KIAA0319: variants seen among roughly 807,000 people sequenced by gnomAD.
KIAA0319 encodes the protein dyslexia-associated protein KIAA0319.
A neutral mutation model predicts 108.4 loss-of-function variants in KIAA0319; 83 were observed. The observed-to-expected ratio is 0.77, with a 90% CI of 0.64 to 0.92. The LOEUF is 0.92. KIAA0319 is among the 40% of genes least tolerant of loss of function. The pLI is 0.00. For missense variants in KIAA0319, 1,195 were observed against 1,322.4 expected, an observed-to-expected ratio of 0.90 and a Z score of 1.49; for synonymous variants, 484 against 510.4, an observed-to-expected ratio of 0.95 and a Z score of 0.70.
intron 5 of KIAA0319, among the ~76,000 whole-genome samples, chr6:24,582,718 G>A (rs1766795046): frequency 6.7e-6 from 1 of 150,080 alleles, no homozygotes; most frequent in Non-Finnish European, 1.5e-5. Flanking sequence ...TTTCCTAGGG[G>A]GCTACATCTG....
intron 2 of KIAA0319, chr6:24,598,130 G>A (rs577044843): frequency 1.5e-4 from 65 of 443,454 alleles, no homozygotes; most frequent in Middle Eastern, 8.6e-4. Context: ...AGCTTCTCTC[G>A]AGTGGGCAGC....
intron 1 of KIAA0319, among the ~76,000 whole-genome samples, chr6:24,604,447 T>C (rs1408762252): frequency 1.3e-5 from 2 of 152,190 alleles, no homozygotes; most frequent in Non-Finnish European, 2.9e-5. Flanking sequence ...GCCTCCACCA[T>C]ACCATATGGT....
intron 18 of KIAA0319, among the ~76,000 whole-genome samples, chr6:24,555,496 C>CAAAAA (rs34005198): frequency 7.4e-5 from 6 of 80,878 alleles, no homozygotes; most frequent in Admixed American, 1.6e-4. Flanking sequence ...GACTCCATCT[C>CAAAAA]AAAAAAAAAA....
At chr6:24,601,761 C>T (rs943298025) in intron 1 of KIAA0319, among the ~76,000 whole-genome samples, 1 of 152,116 alleles carries the variant, frequency 6.6e-6, no homozygotes, top group African/African-American at 2.4e-5. Flanking sequence ...CCTGGTCATT[C>T]GAGGCTGATT....
rs773437072 is a variant in KIAA0319, at chr6:24,576,570, G to C, written c.1532C>G (p.Ala511Gly). ...TAGGGCTGCAGTTGTAGAGTTAGTG[G>C]CTCCGTCCGAGTCTGTAACAGTCAA... ...FRLTVTDSDG[A>G]TNSTTAALIV... Residue 511 changes from alanine to glycine, a missense_variant, in exon 10 of 21, where the codon GCC (alanine) becomes GGC (glycine). Ala to Gly is a moderately conservative substitution (Grantham distance 60). Coordinates refer to ENST00000378214, the MANE Select transcript of KIAA0319 (RefSeq NM_014809.4). 11 of 1,613,978 alleles carry C rather than the reference G, an allele frequency of 6.8e-6. No individual in the cohort carries two copies. The highest frequency in any genetic ancestry group is 1.1e-5 in the South Asian group (1 of 91,080).
chr6:24,583,288 C>A (rs1256875776), intron 5 of KIAA0319: 3 of 993,942 alleles, frequency 3.0e-6, no homozygotes, highest in East Asian at 8.9e-5. Flanking sequence ...TTCCCAGGTT[C>A]TATGGGTTAT....
chr6:24,550,672 C>T (rs1761346770), intron 20 of KIAA0319, among the ~76,000 whole-genome samples: 1 of 152,166 alleles, frequency 6.6e-6, no homozygotes, highest in African/African-American at 2.4e-5. Flanking sequence ...TCCAAATGTC[C>T]TCTTGCTGCA....
chr6:24,579,788 C>T, intron 8 of KIAA0319, 70 bp downstream of exon 8: 2 of 1,227,930 alleles, frequency 1.6e-6, no homozygotes, highest in Non-Finnish European at 2.3e-6. Context: ...AGCTTTGATG[C>T]AGAGCACTCA....
At position 24,596,113 on chromosome 6, in the gene KIAA0319, T is replaced by A. The variant is rs777540300; in HGVS notation, c.561A>T (p.Leu187=). 1 of 1,613,758 alleles carries A rather than the reference T, an allele frequency of 6.2e-7. No individual in the cohort carries two copies. Among genetic ancestry groups the A allele is most frequent in the Middle Eastern group, 1.6e-4 (1 of 6,062 alleles). ...RGSAEYTDWG[L]LPGSEGAFNS... ...TGAAGGCCCCCTCGCTGCCCGGCAGTAGGCCCCAGTCCGTGTACTCGGCAC... is the reference window on the plus strand; with the variant it reads ...TGAAGGCCCCCTCGCTGCCCGGCAGAAGGCCCCAGTCCGTGTACTCGGCAC... Residue 187 remains leucine (L), a synonymous_variant, in exon 3 of 21, where the codon CTA becomes CTT. Coordinates refer to ENST00000378214, the MANE Select transcript of KIAA0319 (RefSeq NM_014809.4).
chr6:24,570,812 C>G (rs1277842609), intron 11 of KIAA0319, among the ~76,000 whole-genome samples: 2 of 152,084 alleles, frequency 1.3e-5, no homozygotes, highest in Admixed American at 6.6e-5. Flanking sequence ...TCTCTGTAGC[C>G]TCAGTGCTAA....
chr6:24,590,290 C>T (rs1444437877), intron 3 of KIAA0319, among the ~76,000 whole-genome samples: 20 of 133,768 alleles, frequency 1.5e-4, no homozygotes, highest in South Asian at 4.6e-4. Context: ...ATTTTCAGAA[C>T]GAAGGCAAAA....
chr6:24,583,988 C>T (rs1267424349), intron 4 of KIAA0319, among the ~76,000 whole-genome samples: 2 of 152,116 alleles, frequency 1.3e-5, no homozygotes, highest in Admixed American at 6.5e-5. Flanking sequence ...TTGCGTGAAA[C>T]AGGTTTCATG....
At chr6:24,553,190 C>A (rs1235904935) in intron 19 of KIAA0319, among the ~76,000 whole-genome samples, 1 of 150,200 alleles carries the variant, frequency 6.7e-6, no homozygotes, top group Non-Finnish European at 1.5e-5. Flanking sequence ...TGAAAATAAT[C>A]AAAACCTACC....
At chr6:24,584,396 T>C (rs576109522) in intron 4 of KIAA0319, among the ~76,000 whole-genome samples, 1 of 135,384 alleles carries the variant, frequency 7.4e-6, no homozygotes, top group East Asian at 2.2e-4. Context: ...TATATTGCGA[T>C]ATGTCCAGAT....
At position 24,583,090 on chromosome 6, in the gene KIAA0319, G is replaced by C. The variant is rs975009099; in HGVS notation, c.1093+514C>G. The C allele has an allele frequency of 2.6e-5, 26 of 985,392 alleles. 1 individual carries two copies. The South Asian group carries it at 8.9e-4, about 34-fold the overall frequency. The allele number at this position is 985,392 out of a possible 1,614,324, so 61.0% of individuals were successfully genotyped here. A position where few individuals can be genotyped will look rare whatever the true frequency, so the allele number is the denominator to read the frequency against. On this transcript the variant is annotated intron_variant, in intron 5 of 20. Coordinates refer to ENST00000378214, the MANE Select transcript of KIAA0319 (RefSeq NM_014809.4). ...AAAACAATGCATTTGACAGGCCACA[G>C]GTCCCAGGTCAAATGCTTACTGAAT...
At position 24,570,058 on chromosome 6, in the gene KIAA0319, A is replaced by C. The variant is rs199852124; in HGVS notation, c.1859-23T>G. ...TTTCTGGAATTACAGAAACAGTGTG[A>C]AAAAGTATTATCTCTTTGCATTAAG... On this transcript the variant is annotated intron_variant, in intron 11 of 20. Transcript: ENST00000378214. 8.8e-5 allele frequency: 141 copies of C among 1,610,928 alleles called. 2 individuals carry two copies. In the Middle Eastern group the frequency reaches 7.9e-3, roughly 90 times the overall value.
At chr6:24,567,184 CAA>C (rs35022786) in intron 13 of KIAA0319, among the ~76,000 whole-genome samples, 1 of 150,354 alleles carries the variant, frequency 6.7e-6, no homozygotes, top group Non-Finnish European at 1.5e-5. Flanking sequence ...CTCTCTAAGA[CAA>C]AAAAAAAGAA....
At chr6:24,614,405 G>T (rs1772846794) in intron 1 of KIAA0319, among the ~76,000 whole-genome samples, 1 of 152,132 alleles carries the variant, frequency 6.6e-6, no homozygotes, top group African/African-American at 2.4e-5. Context: ...CCAAGCTGAG[G>T]TCATTGTTCC....
intron 8 of KIAA0319, 32 bp downstream of exon 8, chr6:24,579,826 A>G (rs780130685): frequency 3.9e-6 from 6 of 1,546,122 alleles, no homozygotes; most frequent in Non-Finnish European, 3.5e-6. Flanking sequence ...TAGAGAAAAA[A>G]AGAAATCCCT....
Sources: allele counts gnomAD v4.1 joint callset (sites outside exome capture counted in the v4.1 genomes callset), GRCh38; gene constraint gnomAD v4.1.1; transcripts MANE v1.5; gene names NCBI Gene and HGNC (gene_info 2026-07-23, HGNC 2026-07-21).